SLC9A6: variants seen among roughly 807,000 people sequenced by gnomAD.
SLC9A6 encodes sodium/hydrogen exchanger 6.
In SLC9A6, 6 loss-of-function variants were observed where a neutral mutation model predicts 45.3. The observed-to-expected ratio is 0.13, with a 90% CI of 0.07 to 0.26. The LOEUF (loss-of-function observed/expected upper bound fraction) is 0.26. Among genes scored for constraint, SLC9A6 ranks in the 10% least tolerant of loss-of-function variants. The probability of loss-of-function intolerance (pLI) is 1.00; values close to 1 mark genes in which losing one functional copy is unlikely to be tolerated. For synonymous variants in SLC9A6, 191 were observed against 187.7 expected (o/e 1.02, Z -0.14); for missense variants, 278 against 503.7 (o/e 0.55, Z 4.29).
In SLC9A6 at chrX:136,022,623, C is replaced by T; in HGVS notation, c.1232C>T (p.Pro411Leu). ...TTGGGAAGAGCTGCCAATATTTACC[C>T]CTTGTCCCTCTTACTTAATTTGGGT... ...IFLGRAANIY[P>L]LSLLLNLGRR... The change falls in exon 12 of 18, where the codon CCC becomes CTC. Residue 411 changes from proline (P) to leucine (L), a missense_variant. Pro to Leu is a moderately conservative substitution (Grantham distance 98). This residue lies in a region of SLC9A6 where 41 missense variants were observed against 51.8 expected (regional missense o/e 0.79). Transcript: ENST00000630721. 2 of 1,194,558 alleles carry T rather than the reference C, an allele frequency of 1.7e-6. No homozygotes were observed. The highest frequency in any genetic ancestry group is 2.3e-6 in the Non-Finnish European group (2 of 883,381).
upstream of SLC9A6, among the ~76,000 whole-genome samples, chrX:135,983,175 C>T (rs1292949779): frequency 3.6e-5 from 4 of 111,594 alleles, no homozygotes; most frequent in Non-Finnish European, 5.7e-5. Context: ...GTGCCAACTC[C>T]TTCAGGCCAC....
At chrX:135,975,964 G>A (rs1031314097) in intron 1 of SLC9A6, among the ~76,000 whole-genome samples, 2 of 76,075 alleles carry the variant, frequency 2.6e-5, no homozygotes, top group Admixed American at 2.0e-4. Flanking sequence ...GTGACAGAGC[G>A]AGACCCTTTC....
At chrX:136,031,179 A>G (rs1556621088) in intron 15 of SLC9A6, among the ~76,000 whole-genome samples, 2 of 111,755 alleles carry the variant, frequency 1.8e-5, no homozygotes, top group South Asian at 7.5e-4. Flanking sequence ...GTAGTGTCCA[A>G]GGGGTGATAA....
At chrX:136,011,993 A>C (rs902073946) in intron 8 of SLC9A6, among the ~76,000 whole-genome samples, 5 of 112,079 alleles carry the variant, frequency 4.5e-5, no homozygotes, top group Admixed American at 1.9e-4. Context: ...GGGAGGCTGA[A>C]GCGGGAGAAT....
chrX:136,003,780 A>G (rs1406100542), intron 7 of SLC9A6, among the ~76,000 whole-genome samples: 4 of 112,251 alleles, frequency 3.6e-5, no homozygotes, highest in African/African-American at 9.7e-5. Context: ...TCGCCAGCAG[A>G]ATATTTGTCA....
intron 10 of SLC9A6, 120 bp from the exon 11 acceptor site, chrX:136,016,525 T>C: frequency 2.1e-6 from 1 of 481,671 alleles, no homozygotes; most frequent in South Asian, 3.1e-5. Context: ...GAACCACATA[T>C]TTTGTGTGTA....
chrX:136,028,865 T>C, intron 13 of SLC9A6, 21 bp from the exon 14 acceptor site: 1 of 296,098 alleles, frequency 3.4e-6, no homozygotes, highest in Middle Eastern at 8.9e-4. Flanking sequence ...AATAAACATT[T>C]GAGCACCTAT....
intron 7 of SLC9A6, among the ~76,000 whole-genome samples, chrX:136,004,213 C>T (rs1447288102): frequency 9.3e-6 from 1 of 107,369 alleles, no homozygotes. Flanking sequence ...CTCAGCCTCC[C>T]GAGTAGCTGG....
chrX:135,976,991 C>A (rs782056180), intron 1 of SLC9A6, among the ~76,000 whole-genome samples: 1 of 112,087 alleles, frequency 8.9e-6, no homozygotes, highest in South Asian at 3.7e-4. Flanking sequence ...TAGATTCCAA[C>A]CTGAAGGGAA....
At chrX:136,008,680 C>T (rs1419414996) in intron 7 of SLC9A6, among the ~76,000 whole-genome samples, 3 of 112,048 alleles carry the variant, frequency 2.7e-5, no homozygotes, top group African/African-American at 9.7e-5. Context: ...AAAATAAAAT[C>T]GATCTATCAG....
At chrX:136,034,697 T>TA (rs1556621604) in intron 16 of SLC9A6, among the ~76,000 whole-genome samples, 1 of 111,967 alleles carries the variant, frequency 8.9e-6, no homozygotes, top group Non-Finnish European at 1.9e-5. Flanking sequence ...AGCTACTACT[T>TA]ACCATGTTCT....
chrX:136,040,328 C>T, intron 17 of SLC9A6, 147 bp downstream of exon 17: 1 of 478,782 alleles, frequency 2.1e-6, no homozygotes, highest in South Asian at 3.1e-5. Flanking sequence ...ATATTTTGCT[C>T]AACCAGAAAA....
chrX:136,038,288 G>A (rs1472727256), intron 16 of SLC9A6, among the ~76,000 whole-genome samples: 2 of 111,191 alleles, frequency 1.8e-5, no homozygotes, highest in Middle Eastern at 4.6e-3. Flanking sequence ...TTTCTGCATC[G>A]AGATGATCAT....
At chrX:135,976,583 CAA>C (rs2089264261) in intron 1 of SLC9A6, among the ~76,000 whole-genome samples, 1 of 101,569 alleles carries the variant, frequency 9.8e-6, no homozygotes, top group African/African-American at 3.7e-5. Flanking sequence ...GCCTGGGCAA[CAA>C]GAGTGAAACT....
intron 2 of SLC9A6, among the ~76,000 whole-genome samples, chrX:135,991,093 C>A (rs782098118): frequency 9.0e-5 from 10 of 111,631 alleles, no homozygotes; most frequent in Admixed American, 6.7e-4. Flanking sequence ...TAAAAGGTGT[C>A]TTTCATTTAT....
rs2071567769 is a variant in SLC9A6, at chrX:136,044,618, T to G, written c.1934T>G (p.Phe645Cys). 2 of 1,210,634 alleles carry G rather than the reference T, an allele frequency of 1.7e-6. No individual in the cohort carries two copies. Among genetic ancestry groups the G allele is most frequent in the Admixed American group, 4.3e-5 (2 of 45,986 alleles). ...SEDALDRELAFGDHELVIRGT... is the reference protein window; with the variant it reads ...SEDALDRELACGDHELVIRGT... ...GATGCCTTGGATCGGGAGCTTGCAT[T>G]TGGGGACCATGAACTGGTCATTCGA... Residue 645 changes from phenylalanine (F) to cysteine (C), a missense_variant, in exon 18 of 18, where the codon TTT (phenylalanine) becomes TGT (cysteine). By Grantham distance (205) the Phe-to-Cys change is radical. Transcript: ENST00000630721.
rs1277691456 is a variant in SLC9A6 at position 136,045,277 on chromosome X, TG to T, written c.*557del. 9 of 116,783 alleles carry T rather than the reference TG, an allele frequency of 7.7e-5. No individual in the cohort carries two copies. The Admixed American group carries it at 7.8e-4, about 10-fold the overall frequency. 9.6% of individuals were successfully genotyped at this position (116,783 alleles called of 1,213,427 possible). On this transcript the variant is annotated 3_prime_UTR_variant, in exon 18 of 18. Transcript: ENST00000630721. ...GCATTTGATCTTGCCCCATTCAGGT[TG>T]GGGAGTGAAGTGTGAGGACCCTTTT...
chrX:136,033,055 G>A (rs1378195045), intron 15 of SLC9A6: 1 of 148,600 alleles, frequency 6.7e-6, no homozygotes, highest in African/African-American at 3.2e-5. Flanking sequence ...GTAGAAACGG[G>A]GTTTCACCAT....
intron 7 of SLC9A6, 103 bp from the exon 8 acceptor site, chrX:136,010,339 T>G (rs1603206799): frequency 1.1e-6 from 1 of 950,154 alleles, no homozygotes; most frequent in Non-Finnish European, 1.5e-6. Flanking sequence ...CGAAAGCTTG[T>G]TTTTCTTCTC....
Sources: gnomAD v4.1 joint callset for allele counts (sites outside exome capture counted in the v4.1 genomes callset) on GRCh38, gnomAD v4.1.1 for gene constraint, gnomAD v4.1.1 regional missense constraint, MANE v1.5 for transcripts, NCBI Gene and HGNC (gene_info 2026-07-23, HGNC 2026-07-21) for gene names.